The following ANO1 variants were observed in gnomAD, a reference collection of about 807,000 sequenced individuals.
The protein encoded by ANO1 is anoctamin-1.
Under a neutral mutation model 124.0 loss-of-function variants are expected in ANO1, and 59 were observed. The observed-to-expected ratio is 0.48, with a 90% CI of 0.39 to 0.59. The LOEUF (loss-of-function observed/expected upper bound fraction) is 0.59. Ranked by LOEUF, ANO1 falls within the 20% of genes least tolerant of loss-of-function variation. The pLI, the probability that ANO1 is intolerant of heterozygous loss-of-function variation, is 0.00. For missense variants in ANO1, 1,059 were observed against 1,328.0 expected (o/e 0.80, Z 3.15); for synonymous variants, 529 against 532.0 (o/e 0.99, Z 0.08).
chr11:70,116,450 T>G lies in ANO1; in HGVS notation c.856-8T>G. ...GATAAGAACGTCCCTTTCCTCTTTT[T>G]TTAACAGGGAGACTACAACGGTGAA... On this transcript the variant is annotated splice_polypyrimidine_tract_variant and splice_region_variant and intron_variant, in intron 7 of 25. Transcript: ENST00000355303. 1 of 1,595,584 alleles carries G rather than the reference T, an allele frequency of 6.3e-7. No individual in the cohort carries two copies. The highest frequency in any genetic ancestry group is 8.5e-7 in the Non-Finnish European group (1 of 1,170,820).
chr11:70,174,662 T>G (rs1876), intron 22 of ANO1, among the ~76,000 whole-genome samples: 1 of 152,052 alleles, frequency 6.6e-6, no homozygotes, highest in Non-Finnish European at 1.5e-5. Context: ...CAGTCCCACT[T>G]TCCAGATAGG....
At chr11:70,082,997 G>T (rs536529343) in intron 1 of ANO1, among the ~76,000 whole-genome samples, 2 of 152,168 alleles carry the variant, frequency 1.3e-5, no homozygotes, top group Non-Finnish European at 2.9e-5. Flanking sequence ...AGAGTCAGGC[G>T]CTGGGACTCC....
intron 1 of ANO1, among the ~76,000 whole-genome samples, chr11:70,081,723 A>G (rs1324905695): frequency 1.3e-5 from 2 of 152,224 alleles, no homozygotes; most frequent in Admixed American, 6.5e-5. Flanking sequence ...GTTAAAGGAC[A>G]TAGGATTGCT....
At chr11:70,025,887 ATGG>A (rs1856893533) in intron 1 of ANO1, among the ~76,000 whole-genome samples, 2 of 115,478 alleles carry the variant, frequency 1.7e-5, no homozygotes, top group Non-Finnish European at 3.7e-5. Context: ...GGTGGTGATG[ATGG>A]TGATGATGAT....
intron 1 of ANO1, among the ~76,000 whole-genome samples, chr11:70,022,287 T>G (rs1643161659): frequency 6.6e-6 from 1 of 152,084 alleles, no homozygotes. Flanking sequence ...TGGCACACAG[T>G]AGGTGCTCAA....
At position 70,126,082 on chromosome 11, in the gene ANO1, C is replaced by T. The variant is rs201648677; in HGVS notation, c.984C>T (p.Ile328=). The T allele has an allele frequency of 9.4e-4, 1,509 of 1,610,158 alleles. 26 individuals carry two copies. The highest frequency in any genetic ancestry group is 3.2e-4 in the Admixed American group (19 of 59,642). ...GTAGGAAGTATTTTGGGGAGAAGATCGGCCTGTACTTCGCCTGGCTGGGCG... is the reference window on the plus strand; with the variant it reads ...GTAGGAAGTATTTTGGGGAGAAGATTGGCCTGTACTTCGCCTGGCTGGGCG... ...DLVRKYFGEK[I]GLYFAWLGVY... The change falls in exon 10 of 26, where the codon ATC becomes ATT. Residue 328 remains isoleucine, a synonymous_variant. Transcript: ENST00000355303.
the ANO1 span, among the ~76,000 whole-genome samples, chr11:69,971,236 G>A: frequency 1.3e-5 from 2 of 152,162 alleles, no homozygotes; most frequent in Non-Finnish European, 2.9e-5. Flanking sequence ...ATCTGTAAAA[G>A]GGGAGAGTTG....
intron 22 of ANO1, among the ~76,000 whole-genome samples, chr11:70,173,508 C>T (rs950846164): frequency 6.6e-5 from 10 of 152,222 alleles, no homozygotes; most frequent in Middle Eastern, 3.2e-3. Context: ...CCCTGTTTTG[C>T]GTCTGCTGAG....
At chr11:70,122,919 T>C (rs929873634) in intron 8 of ANO1, among the ~76,000 whole-genome samples, 1 of 152,228 alleles carries the variant, frequency 6.6e-6, no homozygotes, top group African/African-American at 2.4e-5. Flanking sequence ...GTGGCTCCGC[T>C]TCATCAAGGT....
At chr11:70,086,098 A>G (rs567558866) in intron 1 of ANO1, among the ~76,000 whole-genome samples, 2 of 152,270 alleles carry the variant, frequency 1.3e-5, no homozygotes, top group African/African-American at 4.8e-5. Context: ...TCGGGAACTG[A>G]TAGTGCCCTA....
intron 1 of ANO1, among the ~76,000 whole-genome samples, chr11:70,084,488 AT>A (rs2044299382): frequency 6.6e-6 from 1 of 152,144 alleles, no homozygotes; most frequent in Non-Finnish European, 1.5e-5. Context: ...AGAGACCATC[AT>A]CCCCTCAGTG....
intron 11 of ANO1, among the ~76,000 whole-genome samples, chr11:70,134,067 C>T: frequency 6.6e-6 from 1 of 152,198 alleles, no homozygotes; most frequent in Non-Finnish European, 1.5e-5. Context: ...CCTCCTCACC[C>T]TGGAATCTTA....
rs975772022 is a variant in ANO1 at position 70,132,216 on chromosome 11, G to A, written c.1258+137G>A. The stretch of plus-strand genomic sequence containing the variant: ...AAAACATAGGGGAAGGGGGCTGGTG[G>A]AAACGACCCCTGTTTTGTGTTCAGG... On this transcript the variant is annotated intron_variant, in intron 11 of 25. Coordinates refer to ENST00000355303, the MANE Select transcript of ANO1 (RefSeq NM_018043.7). 2 of 1,176,450 alleles carry A rather than the reference G, an allele frequency of 1.7e-6. No homozygotes were observed. Among genetic ancestry groups the A allele is most frequent in the African/African-American group, 3.1e-5 (2 of 64,758 alleles). 72.9% of individuals were successfully genotyped at this position (1,176,450 alleles called of 1,614,324 possible).
rs976785974 is a variant in ANO1 at position 70,148,267 on chromosome 11, T to C, written c.1259-1443T>C. Among the ~76,000 whole-genome samples the C allele has an allele frequency of 2.0e-5, 3 of 152,154 alleles. No individual in the cohort carries two copies. The East Asian group carries it at 5.8e-4, about 29-fold the overall frequency. On this transcript the variant is annotated intron_variant, in intron 11 of 25. Transcript: ENST00000355303. ...GCCATTTGATCCCTCTGAGCCTCAG[T>C]TTCCCCCTCTGTAAAATGGAGGGGA... is the stretch of plus-strand genomic sequence containing the variant.
chr11:70,062,189 G>A (rs1218081011), intron 1 of ANO1, among the ~76,000 whole-genome samples: 3 of 143,310 alleles, frequency 2.1e-5, no homozygotes, highest in African/African-American at 5.2e-5. Flanking sequence ...CGATTCTCCT[G>A]CCTCAGCCTC....
At chr11:70,148,155 A>G (rs2047453581) in intron 11 of ANO1, among the ~76,000 whole-genome samples, 1 of 152,098 alleles carries the variant, frequency 6.6e-6, no homozygotes, top group African/African-American at 2.4e-5. Context: ...GCCTTCAGTT[A>G]AGGGCCACAT....
intron 2 of ANO1, among the ~76,000 whole-genome samples, chr11:70,088,481 C>A (rs905488476): frequency 6.9e-6 from 1 of 144,860 alleles, no homozygotes; most frequent in Non-Finnish European, 1.5e-5. Context: ...TGCACGCCAG[C>A]CTGGCGACAG....
At chr11:69,984,903 T>A (rs1856005332), upstream of ANO1, among the ~76,000 whole-genome samples, 1 of 152,210 alleles carries the variant, frequency 6.6e-6, no homozygotes, top group Admixed American at 6.5e-5. Flanking sequence ...CGGAGCCACT[T>A]AGCATTCTGT....
the ANO1 span, among the ~76,000 whole-genome samples, chr11:69,967,032 C>T: frequency 1.2e-4 from 19 of 152,344 alleles, no homozygotes; most frequent in Admixed American, 3.3e-4. Context: ...CTGGCCTCCA[C>T]GCAGTAGAGG....
Sources: allele counts gnomAD v4.1 joint callset (sites outside exome capture counted in the v4.1 genomes callset), GRCh38; gene constraint gnomAD v4.1.1; transcripts MANE v1.5; gene names NCBI Gene and HGNC (gene_info 2026-07-23, HGNC 2026-07-21).